Variants in RGS7 observed in about 807,000 individuals in gnomAD.
RGS7 encodes the protein regulator of G-protein signaling 7.
RGS7 carries 27 observed loss-of-function variants against 81.1 expected under a neutral mutation model. The ratio of observed to expected loss-of-function variants is 0.33; its 90% CI spans 0.25 to 0.46. The LOEUF is 0.46. Ranked by LOEUF, RGS7 falls within the 20% of genes least tolerant of loss-of-function variation. RGS7 has a pLI of 1.00. For synonymous variants in RGS7, 208 were observed against 207.7 expected (o/e 1.00, Z -0.01); for missense variants, 396 against 607.4 (o/e 0.65, Z 3.66).
At chr1:240,847,413 C>G (rs1041851014) in intron 9 of RGS7, among the ~76,000 whole-genome samples, 10 of 152,152 alleles carry the variant, frequency 6.6e-5, no homozygotes, top group African/African-American at 2.4e-4. Context: ...GGTGTTTGAG[C>G]CAAATCTTTT....
intron 3 of RGS7, among the ~76,000 whole-genome samples, chr1:241,035,360 TA>T (rs34813230): frequency 2.1e-4 from 32 of 150,504 alleles, no homozygotes; most frequent in African/African-American, 5.6e-4. Flanking sequence ...CATAAGGAAG[TA>T]AAAAAAAAAT....
chr1:241,022,143 T>A (rs1181792401), intron 3 of RGS7, among the ~76,000 whole-genome samples: 3 of 152,258 alleles, frequency 2.0e-5, no homozygotes, highest in African/African-American at 7.2e-5. Flanking sequence ...ATAATAGCCC[T>A]ATTAGGTAGG....
At chr1:241,265,232 C>T (rs988590183) in intron 2 of RGS7, among the ~76,000 whole-genome samples, 5 of 152,210 alleles carry the variant, frequency 3.3e-5, no homozygotes, top group African/African-American at 1.2e-4. Context: ...AAACTGCTGT[C>T]AATGTTATCT....
intron 9 of RGS7, among the ~76,000 whole-genome samples, chr1:240,857,945 C>A (rs1661455066): frequency 6.6e-6 from 1 of 152,156 alleles, no homozygotes; most frequent in Admixed American, 6.5e-5. Flanking sequence ...CTTCTCCGTG[C>A]TACCACCATG....
rs78906446 is a variant in RGS7 at position 241,041,434 on chromosome 1, C to T, written c.175+57232G>A. ...GCAAAAGCTTGTCTGTACTTATGGC[C>T]CTGGGCAGGAGTACAGGCACTTTCT... On this transcript the variant is annotated intron_variant, in intron 3 of 18. Transcript: ENST00000440928. 5.8e-3 allele frequency among the ~76,000 whole-genome samples: 876 copies of T among 152,082 alleles called. 8 individuals carry two copies. Among genetic ancestry groups the T allele is most frequent in the Admixed American group, 0.021 (321 of 15,264 alleles).
intron 14 of RGS7, among the ~76,000 whole-genome samples, chr1:240,807,737 T>C (rs1263344599): frequency 1.3e-5 from 2 of 152,078 alleles, no homozygotes; most frequent in Admixed American, 6.6e-5. Context: ...TGCACTCTAA[T>C]AGGAATACTA....
intron 4 of RGS7, among the ~76,000 whole-genome samples, chr1:240,965,318 C>A (rs1477562390): frequency 6.6e-6 from 1 of 152,098 alleles, no homozygotes; most frequent in Non-Finnish European, 1.5e-5. Context: ...ATGTTTCTGT[C>A]CCACTCTTTA....
At chr1:241,040,267 G>A (rs2060543225) in intron 3 of RGS7, among the ~76,000 whole-genome samples, 1 of 152,156 alleles carries the variant, frequency 6.6e-6, no homozygotes, top group Non-Finnish European at 1.5e-5. Flanking sequence ...GAAAAATCAT[G>A]TATGCTGTAA....
At chr1:240,922,663 A>G (rs927867276) in intron 6 of RGS7, among the ~76,000 whole-genome samples, 3 of 152,118 alleles carry the variant, frequency 2.0e-5, no homozygotes, top group Non-Finnish European at 4.4e-5. Flanking sequence ...AATTTAAAAA[A>G]CAATGAGATA....
chr1:240,920,511 C>T (rs1481475571), intron 6 of RGS7: 5 of 865,878 alleles, frequency 5.8e-6, no homozygotes, highest in African/African-American at 3.3e-5. Flanking sequence ...AAGCTCTGGC[C>T]TCTATGGTGA....
chr1:240,780,641 C>T (rs35434074), intron 18 of RGS7, among the ~76,000 whole-genome samples: 83,068 of 151,554 alleles, frequency 0.55, 24,473 homozygotes, highest in Non-Finnish European at 0.66. Flanking sequence ...ATGGGCCGGG[C>T]GCGGTGGCTG....
intron 2 of RGS7, among the ~76,000 whole-genome samples, chr1:241,262,942 T>C (rs1446138263): frequency 1.3e-5 from 2 of 151,954 alleles, no homozygotes; most frequent in Non-Finnish European, 2.9e-5. Flanking sequence ...CTACTAAAAA[T>C]ACAAAAATTA....
intron 6 of RGS7, among the ~76,000 whole-genome samples, chr1:240,915,022 C>A (rs1253863663): frequency 6.6e-6 from 1 of 152,186 alleles, no homozygotes; most frequent in East Asian, 1.9e-4. Context: ...TTTAAGGGGG[C>A]TACCACACAT....
intron 2 of RGS7, among the ~76,000 whole-genome samples, chr1:241,351,002 G>A (rs958853278): frequency 6.6e-6 from 1 of 152,184 alleles, no homozygotes; most frequent in Non-Finnish European, 1.5e-5. Flanking sequence ...GACTTCAGAA[G>A]TAGCTTTCAA....
chr1:241,235,330 G>C (rs2075869857), intron 2 of RGS7, among the ~76,000 whole-genome samples: 1 of 152,164 alleles, frequency 6.6e-6, no homozygotes, highest in Admixed American at 6.5e-5. Context: ...GAATCAGTTA[G>C]AGTGCCTTTG....
chr1:240,916,106 T>TA (rs1672558945), intron 6 of RGS7, among the ~76,000 whole-genome samples: 1 of 55,292 alleles, frequency 1.8e-5, no homozygotes. Context: ...CTACTAAAAA[T>TA]ACCAAAAAAA....
At chr1:240,779,245 T>C (rs1373533720) in intron 18 of RGS7, among the ~76,000 whole-genome samples, 1 of 151,466 alleles carries the variant, frequency 6.6e-6, no homozygotes, top group East Asian at 2.0e-4. Flanking sequence ...ATTGCTTGAG[T>C]TGCTGGGTTC....
intron 2 of RGS7, among the ~76,000 whole-genome samples, chr1:241,264,055 C>T (rs1160164421): frequency 6.6e-6 from 1 of 152,198 alleles, no homozygotes; most frequent in Non-Finnish European, 1.5e-5. Context: ...AACCACCGTG[C>T]ACCACCCTGA....
chr1:241,268,605 A>G (rs1450379206), intron 2 of RGS7, among the ~76,000 whole-genome samples: 2 of 152,156 alleles, frequency 1.3e-5, no homozygotes, highest in Non-Finnish European at 2.9e-5. Flanking sequence ...TCCTGAAGCT[A>G]GGAGATACGA....
Sources: allele counts gnomAD v4.1 joint callset (sites outside exome capture counted in the v4.1 genomes callset), GRCh38; gene constraint gnomAD v4.1.1; transcripts MANE v1.5; gene names NCBI Gene and HGNC (gene_info 2026-07-23, HGNC 2026-07-21).